NRXN3: variants seen among roughly 807,000 people sequenced by gnomAD.
The protein encoded by NRXN3 is neurexin 3, also known as neurexin III.
In NRXN3, 32 loss-of-function variants were observed where a neutral mutation model predicts 137.6. The observed-to-expected ratio is 0.23, with a 90% CI of 0.18 to 0.31. NRXN3 has a LOEUF of 0.31. Ranked by LOEUF, NRXN3 falls within the 10% of genes least tolerant of loss-of-function variation. The probability of loss-of-function intolerance (pLI) is 1.00; values close to 1 mark genes in which losing one functional copy is unlikely to be tolerated. For synonymous variants in NRXN3, 798 were observed against 784.5 expected (o/e 1.02, Z -0.29); for missense variants, 1,574 against 2,062.5 (o/e 0.76, Z 4.59).
chr14:79,018,857 A>G (rs1358027712), intron 15 of NRXN3, among the ~76,000 whole-genome samples: 1 of 152,192 alleles, frequency 6.6e-6, no homozygotes, highest in Admixed American at 6.5e-5. Context: ...AGGTACTTCC[A>G]AGTTACTGAG....
At chr14:78,608,474 T>G (rs1453499466) in intron 4 of NRXN3, among the ~76,000 whole-genome samples, 1 of 152,242 alleles carries the variant, frequency 6.6e-6, no homozygotes, top group African/African-American at 2.4e-5. Flanking sequence ...TTGTATTTAT[T>G]TACATATTTG....
chr14:79,408,524 T>A (rs1053621275), intron 15 of NRXN3, among the ~76,000 whole-genome samples: 3 of 152,144 alleles, frequency 2.0e-5, no homozygotes, highest in Non-Finnish European at 4.4e-5. Context: ...ATGTTTACTA[T>A]TTCTGATTAT....
chr14:79,808,382 G>A lies in NRXN3; in HGVS notation c.4093+3192G>A, dbSNP rs77798975. Among the ~76,000 whole-genome samples the A allele has an allele frequency of 2.2e-3, 332 of 151,720 alleles. 10 individuals carry two copies. In the East Asian group the frequency reaches 0.043, roughly 20 times the overall value. Reference sequence around the variant, plus strand: ...AGATTTGCACTGCCTAAAGAGAAGGGACCTACTGCCCATGCAGCAACAGAT... The same window carrying A: ...AGATTTGCACTGCCTAAAGAGAAGGAACCTACTGCCCATGCAGCAACAGAT... On this transcript the variant is annotated intron_variant, in intron 20 of 20. Transcript: ENST00000335750.
intron 15 of NRXN3, among the ~76,000 whole-genome samples, chr14:79,316,762 CTA>C (rs1491047969): frequency 7.0e-6 from 1 of 143,332 alleles, no homozygotes; most frequent in Admixed American, 7.2e-5. Flanking sequence ...CTCTCTCTCT[CTA>C]TTGAATTCTG....
At chr14:78,516,263 A>G (rs2096205212) in intron 4 of NRXN3, among the ~76,000 whole-genome samples, 1 of 151,346 alleles carries the variant, frequency 6.6e-6, no homozygotes, top group African/African-American at 2.4e-5. Flanking sequence ...GATTTGACTA[A>G]ATTCACAGCC....
rs575873998 is a variant in NRXN3 at position 78,539,498 on chromosome 14, C to G, written c.758-105622C>G. On this transcript the variant is annotated intron_variant, in intron 4 of 20. Coordinates refer to ENST00000335750, the MANE Select transcript of NRXN3 (RefSeq NM_001330195.2). The stretch of plus-strand genomic sequence containing the variant: ...TATTGCATCTATTTGATTCTTCTCT[C>G]TTTTCTTCTTTATTAGTCTTGCTAG... Among the ~76,000 whole-genome samples the G allele has an allele frequency of 5.9e-5, 9 of 152,176 alleles. No homozygotes were observed. In the South Asian group the frequency reaches 1.2e-3, roughly 21 times the overall value.
At chr14:78,651,973 G>C (rs529962691) in intron 6 of NRXN3, among the ~76,000 whole-genome samples, 1 of 152,180 alleles carries the variant, frequency 6.6e-6, no homozygotes, top group Non-Finnish European at 1.5e-5. Flanking sequence ...AGATGGCTGT[G>C]TTTATAAATT....
intron 16 of NRXN3, among the ~76,000 whole-genome samples, chr14:79,601,040 C>CTTTTTTTTTT (rs36044631): frequency 7.5e-5 from 7 of 93,424 alleles, no homozygotes; most frequent in Non-Finnish European, 1.0e-4. Context: ...TCTTTGTTGC[C>CTTTTTTTTTT]TTTTTTTTTT....
intron 15 of NRXN3, among the ~76,000 whole-genome samples, chr14:79,076,775 A>G (rs75362915): frequency 0.017 from 2,607 of 152,292 alleles, 79 homozygotes; most frequent in African/African-American, 0.06. Flanking sequence ...TGCCTTACAC[A>G]GGTGTAAAAA....
At chr14:79,767,159 A>C (rs1411408493) in intron 19 of NRXN3, among the ~76,000 whole-genome samples, 1 of 152,140 alleles carries the variant, frequency 6.6e-6, no homozygotes, top group Non-Finnish European at 1.5e-5. Context: ...GGTCCAGTAC[A>C]ATCTGTCTCC....
chr14:79,736,969 C>T (rs2098944158), intron 19 of NRXN3, among the ~76,000 whole-genome samples: 1 of 152,156 alleles, frequency 6.6e-6, no homozygotes, highest in African/African-American at 2.4e-5. Flanking sequence ...ATTATTTTGA[C>T]TCAAAAATGA....
intron 8 of NRXN3, among the ~76,000 whole-genome samples, chr14:78,788,136 T>G (rs1284615098): frequency 1.3e-5 from 2 of 152,142 alleles, no homozygotes; most frequent in African/African-American, 4.8e-5. Context: ...AGCTGGGACC[T>G]CCTAACACCA....
Position 78,225,966 on chromosome 14 carries a change from T to TTG in NRXN3, c.-703-16425_-703-16424insTG. ...GGTGTTTTTTTGGTGTGTGTGTGTG[T>TTG]GTGTGTTGGTGTGTGTGTGTGTGTG... On this transcript the variant is annotated intron_variant, in intron 1 of 20. Coordinates refer to ENST00000335750, the MANE Select transcript of NRXN3 (RefSeq NM_001330195.2). Among the ~76,000 whole-genome samples the TTG allele has an allele frequency of 2.3e-5, 3 of 128,758 alleles. No individual in the cohort carries two copies. The South Asian group carries it at 7.3e-4, about 31-fold the overall frequency. The allele number at this position is 128,758 out of a possible 152,430, so 84.5% of individuals were successfully genotyped here.
intron 20 of NRXN3, among the ~76,000 whole-genome samples, chr14:79,820,653 C>T (rs897686753): frequency 6.6e-6 from 1 of 152,098 alleles, no homozygotes; most frequent in African/African-American, 2.4e-5. Context: ...TCTGCTCCCT[C>T]CATCCTCTCA....
chr14:78,686,068 G>A (rs2194532), intron 6 of NRXN3, among the ~76,000 whole-genome samples: 20,978 of 152,044 alleles, frequency 0.14, 1,685 homozygotes, highest in African/African-American at 0.21. Flanking sequence ...CTAACATGCC[G>A]TAAATTCACT....
intron 20 of NRXN3, chr14:79,823,854 A>G (rs1417432506): frequency 2.1e-5 from 9 of 434,312 alleles, no homozygotes; most frequent in Admixed American, 1.7e-4. Context: ...GCAGGGCTCT[A>G]TATAGCTTAA....
At chr14:79,404,500 G>T (rs573255813) in intron 15 of NRXN3, among the ~76,000 whole-genome samples, 1 of 152,248 alleles carries the variant, frequency 6.6e-6, no homozygotes, top group South Asian at 2.1e-4. Flanking sequence ...AGAATAGGGG[G>T]TGGTTAATGG....
At chr14:78,357,762 AG>A (rs2084533133) in intron 4 of NRXN3, among the ~76,000 whole-genome samples, 1 of 152,234 alleles carries the variant, frequency 6.6e-6, no homozygotes, top group African/African-American at 2.4e-5. Flanking sequence ...TCACTAAGAT[AG>A]CCAGCTCTTC....
chr14:78,369,839 A>G (rs1244089427), intron 4 of NRXN3, among the ~76,000 whole-genome samples: 1 of 151,996 alleles, frequency 6.6e-6, no homozygotes, highest in African/African-American at 2.4e-5. Context: ...GCAAAAGCCA[A>G]AGACACTGTG....
Sources: allele counts gnomAD v4.1 joint callset (sites outside exome capture counted in the v4.1 genomes callset), GRCh38; gene constraint gnomAD v4.1.1; transcripts MANE v1.5; gene names NCBI Gene and HGNC (gene_info 2026-07-23, HGNC 2026-07-21).